CSE1L: variants seen among roughly 807,000 people sequenced by gnomAD.
CSE1L encodes exportin-2.
In CSE1L, 24 loss-of-function variants were observed where a neutral mutation model predicts 120.4. The observed-to-expected ratio is 0.20, with a 90% CI of 0.14 to 0.28. CSE1L has a LOEUF of 0.28. Ranked by LOEUF, CSE1L falls within the 10% of genes least tolerant of loss-of-function variation. The probability of loss-of-function intolerance (pLI) is 1.00; values close to 1 mark genes in which losing one functional copy is unlikely to be tolerated. For missense variants in CSE1L, 830 were observed against 1,145.2 expected, an observed-to-expected ratio of 0.72 and a Z score of 3.97; for synonymous variants, 402 against 398.3, an observed-to-expected ratio of 1.01 and a Z score of -0.11.
Position 49,075,438 on chromosome 20 carries a change from A to C in CSE1L, c.1253A>C (p.Lys418Thr). 1 of 1,614,172 alleles carries C rather than the reference A, an allele frequency of 6.2e-7. No homozygotes were observed. The highest frequency in any genetic ancestry group is 1.1e-5 in the South Asian group (1 of 91,086). The change falls in exon 12 of 25, where the codon AAA becomes ACA. Residue 418 changes from lysine to threonine, a missense_variant. Physicochemically the swap from Lys to Thr is moderately conservative, Grantham distance 78. Coordinates refer to ENST00000262982, the MANE Select transcript of CSE1L (RefSeq NM_001316.4). ...YVNSMLQEYA[K>T]NPSVNWKHKD... ...AATTCCATGCTGCAGGAATACGCAA[A>C]AAATCCATCTGTCAACTGGAAACAC...
intron 7 of CSE1L, among the ~76,000 whole-genome samples, chr20:49,069,782 C>G (rs938965052): frequency 3.3e-5 from 5 of 152,164 alleles, no homozygotes; most frequent in Admixed American, 6.5e-5. Flanking sequence ...GGACTTGTAC[C>G]CTCATTAAGA....
intron 2 of CSE1L, among the ~76,000 whole-genome samples, chr20:49,060,841 C>T (rs2123676081): frequency 6.6e-6 from 1 of 152,064 alleles, no homozygotes; most frequent in Middle Eastern, 3.4e-3. Flanking sequence ...ATCTTGTGAG[C>T]AGTCAGTTAT....
chr20:49,047,497 C>G (rs1012475227), intron 1 of CSE1L, among the ~76,000 whole-genome samples: 6 of 151,446 alleles, frequency 4.0e-5, no homozygotes, highest in African/African-American at 1.5e-4. Context: ...TCCCAAGTTT[C>G]CCTCACCTTA....
intron 12 of CSE1L, among the ~76,000 whole-genome samples, 183 bp from the exon 13 acceptor site, chr20:49,076,797 C>G (rs531654405): frequency 5.1e-4 from 77 of 152,210 alleles, no homozygotes; most frequent in African/African-American, 1.7e-3. Context: ...TCCCAAAGTG[C>G]TGGGATTACA....
intron 24 of CSE1L, chr20:49,096,072 G>C: frequency 1.7e-6 from 1 of 576,428 alleles, no homozygotes; most frequent in South Asian, 1.8e-5. Flanking sequence ...CGTTTCACGC[G>C]TAAGTACCTT....
In CSE1L at chr20:49,096,363, G is replaced by T. The variant is rs2092140774; in HGVS notation, c.2841G>T (p.Val947=). ...ATCTCTTGTAGGTTCCATCAATGGT[G>T]AGCACCAGCCTGAATGCAGAAGCGC... ...TACPGRVPSM[V]STSLNAEALQ... The change falls in exon 25 of 25, where the codon GTG becomes GTT. Residue 947 remains valine (V), a synonymous_variant. Transcript: ENST00000262982. The T allele has an allele frequency of 1.2e-6, 2 of 1,613,938 alleles. No homozygotes were observed. Among genetic ancestry groups the T allele is most frequent in the Non-Finnish European group, 1.7e-6 (2 of 1,179,910 alleles).
intron 1 of CSE1L, among the ~76,000 whole-genome samples, chr20:49,054,622 A>C (rs753895609): frequency 1.3e-5 from 2 of 152,224 alleles, no homozygotes; most frequent in Non-Finnish European, 2.9e-5. Flanking sequence ...TATGAAGCCT[A>C]TGAAAACATC....
rs776776816 is a variant in CSE1L, at chr20:49,094,977, CAAAG to C, written c.2826+17_2826+20del. 6.3e-6 allele frequency: 10 copies of C among 1,598,282 alleles called. No homozygotes were observed. Among genetic ancestry groups the C allele is most frequent in the Admixed American group, 5.0e-5 (3 of 59,878 alleles). ...TGTCCAGGAAGGGTAAGTGTGTTGT[CAAAG>C]AACTCTGTGATAAATGGAGACTTTA... is the stretch of plus-strand genomic sequence containing the variant. On this transcript the variant is annotated intron_variant, in intron 24 of 24. Transcript: ENST00000262982.
chr20:49,094,993 A>G, intron 24 of CSE1L, 30 bp downstream of exon 24: 2 of 1,560,428 alleles, frequency 1.3e-6, no homozygotes, highest in Non-Finnish European at 1.8e-6. Flanking sequence ...ACTCTGTGAT[A>G]AATGGAGACT....
Position 49,063,345 on chromosome 20 carries a change from G to T in CSE1L, c.228+1G>T. 1 of 1,468,960 alleles carries T rather than the reference G, an allele frequency of 6.8e-7. No individual in the cohort carries two copies. Among genetic ancestry groups the T allele is most frequent in the Non-Finnish European group, 9.2e-7 (1 of 1,086,846 alleles). The allele number at this position is 1,468,960 out of a possible 1,614,324, so 91.0% of individuals were successfully genotyped here. On this transcript the variant is annotated splice_donor_variant, in intron 3 of 24. Transcript: ENST00000262982. LOFTEE classifies it high-confidence loss of function. Reference sequence around the variant, plus strand: ...CTATATTAAAAGGAACTGGAGAATTGTAAGTATTTTGTGAATACATAATTT... The same window carrying T: ...CTATATTAAAAGGAACTGGAGAATTTTAAGTATTTTGTGAATACATAATTT...
intron 7 of CSE1L, among the ~76,000 whole-genome samples, chr20:49,069,138 T>C (rs1226898991): frequency 3.3e-5 from 5 of 152,174 alleles, no homozygotes; most frequent in Non-Finnish European, 7.3e-5. Context: ...GCCTTCCTCT[T>C]TCGTTCATTT....
intron 16 of CSE1L, among the ~76,000 whole-genome samples, chr20:49,086,948 G>T (rs1250637838): frequency 6.6e-6 from 1 of 152,164 alleles, no homozygotes; most frequent in Admixed American, 6.5e-5. Flanking sequence ...GGGTGGATGA[G>T]TCTTTGACTC....
intron 14 of CSE1L, among the ~76,000 whole-genome samples, chr20:49,083,247 A>G (rs2092028354): frequency 6.6e-6 from 1 of 151,282 alleles, no homozygotes; most frequent in Non-Finnish European, 1.5e-5. Context: ...TCTTGATCTC[A>G]TGACCTCGTG....
chr20:49,087,434 T>C (rs1483001381), intron 16 of CSE1L, among the ~76,000 whole-genome samples: 1 of 149,648 alleles, frequency 6.7e-6, no homozygotes, highest in Admixed American at 6.8e-5. Flanking sequence ...CTTGGCTCAC[T>C]GCAACCTCCA....
chr20:49,070,216 AT>A lies in CSE1L; in HGVS notation c.693del (p.Phe231LeufsTer9). 2.8e-6 allele frequency: 4 copies of A among 1,436,738 alleles called. No homozygotes were observed. Among genetic ancestry groups the A allele is most frequent in the Non-Finnish European group, 3.8e-6 (4 of 1,041,698 alleles). The allele number at this position is 1,436,738 out of a possible 1,614,324, so 89.0% of individuals were successfully genotyped here. The stretch of plus-strand genomic sequence containing the variant: ...TGTTTATTCTGTAGGATCTCCCTGA[AT>A]TTTTTGAAGATAATATGGAAACTTG... ...YSLNFQDLPE[F>X]FEDNMETWMN... On this transcript the variant is annotated frameshift_variant, in exon 8 of 25. Transcript: ENST00000262982. LOFTEE classifies it high-confidence loss of function.
At position 49,068,782 on chromosome 20, in the gene CSE1L, T is replaced by C; in HGVS notation, c.635T>C (p.Leu212Pro). ...GCCCTGAGGATTCTGTTTTCTTCCC[T>C]GATCCTGATCTCAAAATTGTTCTAT... Reference protein sequence around the residue: ...ASALRILFSSLILISKLFYSL... With the variant: ...ASALRILFSSPILISKLFYSL... The change falls in exon 7 of 25, where the codon CTG (leucine) becomes CCG (proline). Residue 212 changes from leucine to proline, a missense_variant. Physicochemically the swap from Leu to Pro is moderately conservative, Grantham distance 98. Coordinates refer to ENST00000262982, the MANE Select transcript of CSE1L (RefSeq NM_001316.4). The C allele has an allele frequency of 6.2e-7, 1 of 1,613,660 alleles. No individual in the cohort carries two copies. The highest frequency in any genetic ancestry group is 8.5e-7 in the Non-Finnish European group (1 of 1,179,540).
intron 19 of CSE1L, 137 bp from the exon 20 acceptor site, chr20:49,090,605 C>T: frequency 1.5e-6 from 1 of 676,286 alleles, no homozygotes; most frequent in Non-Finnish European, 2.5e-6. Flanking sequence ...AATTGTTCCC[C>T]ATATGTTTCA....
intron 1 of CSE1L, among the ~76,000 whole-genome samples, chr20:49,051,346 AT>A (rs2091764914): frequency 6.6e-6 from 1 of 152,156 alleles, no homozygotes; most frequent in Non-Finnish European, 1.5e-5. Context: ...AGAGTTTGAG[AT>A]TAGCCTGGCC....
At chr20:49,080,123 A>G (rs1247745977) in intron 14 of CSE1L, among the ~76,000 whole-genome samples, 3 of 151,816 alleles carry the variant, frequency 2.0e-5, no homozygotes, top group Admixed American at 6.6e-5. Context: ...TAGTCCCCAT[A>G]TTTCTATATT....
Sources: gnomAD v4.1 joint callset for allele counts (sites outside exome capture counted in the v4.1 genomes callset) on GRCh38, gnomAD v4.1.1 for gene constraint, MANE v1.5 for transcripts, NCBI Gene and HGNC (gene_info 2026-07-23, HGNC 2026-07-21) for gene names.